The following SLC25A48 variants were observed in gnomAD, a reference collection of about 807,000 sequenced individuals.
SLC25A48 encodes the protein solute carrier family 25 member 48, also known as CTC-321K16.1.
In SLC25A48, 29 loss-of-function variants were observed where a neutral mutation model predicts 32.2. The ratio of observed to expected loss-of-function variants is 0.90; its 90% CI spans 0.67 to 1.23. SLC25A48 has a LOEUF of 1.23. Ranked by LOEUF, SLC25A48 falls within the 50% of genes most tolerant of loss-of-function variation. SLC25A48 has a pLI of 0.00. For missense variants in SLC25A48, 399 were observed against 422.7 expected, an observed-to-expected ratio of 0.94 and a Z score of 0.49; for synonymous variants, 164 against 172.3, an observed-to-expected ratio of 0.95 and a Z score of 0.38.
rs2269927 is a variant in SLC25A48, at chr5:135,879,865, C to T, written c.814-103C>T. 4.2e-3 allele frequency: 6,124 copies of T among 1,450,844 alleles called. 197 individuals carry two copies. The East Asian group carries it at 0.087, about 21-fold the overall frequency. The allele number at this position is 1,450,844 out of a possible 1,614,324, so 89.9% of individuals were successfully genotyped here. ...GGTCCTTTGGGCTCTGGTGGGGGAC[C>T]GGGCCTGGGTAGGCAGCACCACTAG... On this transcript the variant is annotated intron_variant, in intron 6 of 7. Coordinates refer to ENST00000681962, the MANE Select transcript of SLC25A48 (RefSeq NM_001349336.2).
chr5:135,690,675 A>G (rs950847562), intron 3 of SLC25A48, among the ~76,000 whole-genome samples: 2 of 152,054 alleles, frequency 1.3e-5, no homozygotes, highest in African/African-American at 4.8e-5. Flanking sequence ...GCCCCTCCCC[A>G]TGAGAGGTGT....
At chr5:135,718,772 T>C (rs1440845045) in intron 3 of SLC25A48, among the ~76,000 whole-genome samples, 1 of 152,142 alleles carries the variant, frequency 6.6e-6, no homozygotes, top group Non-Finnish European at 1.5e-5. Context: ...ACTGTATGAT[T>C]CCATTTATGT....
At chr5:135,819,625 G>A (rs1400119780) in intron 4 of SLC25A48, among the ~76,000 whole-genome samples, 6 of 152,282 alleles carry the variant, frequency 3.9e-5, no homozygotes, top group Middle Eastern at 3.4e-3. Flanking sequence ...AACTGAATGA[G>A]AAAATTTTGG....
chr5:135,870,798 C>G (rs2126802076), intron 4 of SLC25A48, among the ~76,000 whole-genome samples: 1 of 152,054 alleles, frequency 6.6e-6, no homozygotes, highest in African/African-American at 2.4e-5. Flanking sequence ...GACAAGCTCC[C>G]CCTCTTTTAA....
At position 135,720,383 on chromosome 5, in the gene SLC25A48, G is replaced by T. The variant is rs76418872; in HGVS notation, c.-521+85427G>T. ...CTTTGTGAAAGGAGGATGTGGAGTT[G>T]GTGGTGGGCACCAGGCCATGTGACA... On this transcript the variant is annotated intron_variant, in intron 3 of 10. Transcript: ENST00000646290. Among the ~76,000 whole-genome samples, 416 of 152,318 alleles carry T rather than the reference G, an allele frequency of 2.7e-3. 1 individual carries two copies. The highest frequency in any genetic ancestry group is 8.9e-3 in the African/African-American group (371 of 41,566).
chr5:135,588,352 A>C (rs763727025), intron 1 of SLC25A48, among the ~76,000 whole-genome samples: 1 of 152,260 alleles, frequency 6.6e-6, no homozygotes, highest in Non-Finnish European at 1.5e-5. Flanking sequence ...TGATTATCCA[A>C]GTTGCCATCC....
chr5:135,809,923 C>T (rs1757555485), intron 3 of SLC25A48, among the ~76,000 whole-genome samples: 1 of 152,142 alleles, frequency 6.6e-6, no homozygotes, highest in African/African-American at 2.4e-5. Flanking sequence ...CTGCAGCCTC[C>T]ACCTCCTGGA....
At chr5:135,631,008 C>A (rs557510180) in intron 2 of SLC25A48, among the ~76,000 whole-genome samples, 1 of 152,244 alleles carries the variant, frequency 6.6e-6, no homozygotes, top group East Asian at 1.9e-4. Context: ...ACTGTTGGAC[C>A]AGATAGAAGA....
At chr5:135,776,725 A>AC (rs1321235189) in intron 3 of SLC25A48, among the ~76,000 whole-genome samples, 5 of 147,352 alleles carry the variant, frequency 3.4e-5, no homozygotes, top group Non-Finnish European at 7.5e-5. Context: ...TGTTCCTAAA[A>AC]CCCGGGGGGT....
At chr5:135,834,934 GC>G in intron 1 of SLC25A48, 41 bp downstream of exon 1, 1 of 1,583,672 alleles carries the variant, frequency 6.3e-7, no homozygotes, top group Middle Eastern at 1.7e-4. Flanking sequence ...GAGAGAGCGA[GC>G]CTGGCGGAGT....
At chr5:135,788,961 G>A (rs540706156) in intron 3 of SLC25A48, among the ~76,000 whole-genome samples, 7 of 150,968 alleles carry the variant, frequency 4.6e-5, no homozygotes, top group Non-Finnish European at 7.4e-5. Context: ...CCCATGTGTG[G>A]AGGGTGTCCA....
chr5:135,838,223 G>C (rs935202245), intron 1 of SLC25A48, among the ~76,000 whole-genome samples: 3 of 152,204 alleles, frequency 2.0e-5, no homozygotes, highest in Admixed American at 2.0e-4. Flanking sequence ...AGATGTTTTA[G>C]GGTATCTGGT....
intron 3 of SLC25A48, among the ~76,000 whole-genome samples, chr5:135,772,887 A>T (rs919006233): frequency 2.0e-5 from 3 of 151,358 alleles, no homozygotes; most frequent in Non-Finnish European, 4.4e-5. Flanking sequence ...GGGGGTGTAC[A>T]CTCCCTTGTG....
intron 3 of SLC25A48, among the ~76,000 whole-genome samples, chr5:135,720,809 C>T (rs986272971): frequency 3.3e-5 from 5 of 151,926 alleles, no homozygotes; most frequent in South Asian, 2.1e-4. Flanking sequence ...AAGGGAGAAG[C>T]GTGCACTTTG....
intron 3 of SLC25A48, among the ~76,000 whole-genome samples, chr5:135,717,241 C>T (rs1754823404): frequency 6.6e-6 from 1 of 152,202 alleles, no homozygotes; most frequent in Non-Finnish European, 1.5e-5. Flanking sequence ...GCCCACTGGT[C>T]CTCTTTCTGC....
At chr5:135,745,538 GA>G in intron 3 of SLC25A48, among the ~76,000 whole-genome samples, 1 of 152,048 alleles carries the variant, frequency 6.6e-6, no homozygotes, top group South Asian at 2.1e-4. Flanking sequence ...ATTCCCTCTG[GA>G]AAAAAGGCCA....
chr5:135,728,676 T>TTGC lies in SLC25A48; in HGVS notation c.-520-83844_-520-83842dup, dbSNP rs1416341862. 4.6e-5 allele frequency among the ~76,000 whole-genome samples: 7 copies of TTGC among 152,296 alleles called. No homozygotes were observed. The South Asian group carries it at 6.2e-4, about 14-fold the overall frequency. ...TCAGGAAAAACTTATTTGAGTGAAA[T>TTGC]TGCTGGTGCCTTCTTGATTCTTCTG... On this transcript the variant is annotated intron_variant, in intron 3 of 10. Transcript: ENST00000646290.
upstream of SLC25A48, among the ~76,000 whole-genome samples, chr5:135,833,841 G>T (rs1758304643): frequency 6.6e-6 from 1 of 152,310 alleles, no homozygotes; most frequent in Non-Finnish European, 1.5e-5. Flanking sequence ...AGGAGGTCTG[G>T]CTGGCTGTCG....
intron 3 of SLC25A48, among the ~76,000 whole-genome samples, chr5:135,703,135 ATAGCAGAGG>A (rs1281410560): frequency 6.6e-6 from 1 of 152,244 alleles, no homozygotes; most frequent in Non-Finnish European, 1.5e-5. Context: ...CCACGGGCAA[ATAGCAGAGG>A]CAGATGCACA....
Sources: gnomAD v4.1 joint callset for allele counts (sites outside exome capture counted in the v4.1 genomes callset) on GRCh38, gnomAD v4.1.1 for gene constraint, MANE v1.5 for transcripts, NCBI Gene and HGNC (gene_info 2026-07-23, HGNC 2026-07-21) for gene names.